Variants in FOXJ3 observed in about 807,000 individuals in gnomAD.
FOXJ3 encodes forkhead box protein J3.
Under a neutral mutation model 76.1 loss-of-function variants are expected in FOXJ3, and 22 were observed. The ratio of observed to expected loss-of-function variants is 0.29; its 90% CI spans 0.21 to 0.41. The LOEUF (loss-of-function observed/expected upper bound fraction) is 0.41, where lower values mean the gene tolerates loss of function less well. Among genes scored for constraint, FOXJ3 ranks in the 10% least tolerant of loss-of-function variants. FOXJ3 has a pLI of 1.00. For missense variants in FOXJ3, 613 were observed against 762.1 expected (o/e 0.80, Z 2.30); for synonymous variants, 269 against 261.2 (o/e 1.03, Z -0.29).
At chr1:42,328,014 A>T (rs1394790246) in intron 1 of FOXJ3, among the ~76,000 whole-genome samples, 1 of 152,152 alleles carries the variant, frequency 6.6e-6, no homozygotes, top group East Asian at 1.9e-4. Context: ...ATTCCCACCC[A>T]GGCCAGGCCT....
chr1:42,294,187 T>C (rs1240986931), intron 2 of FOXJ3, among the ~76,000 whole-genome samples: 2 of 152,318 alleles, frequency 1.3e-5, no homozygotes, highest in Admixed American at 1.3e-4. Flanking sequence ...TATCCTCTCT[T>C]GAAATCCTTT....
intron 4 of FOXJ3, among the ~76,000 whole-genome samples, chr1:42,245,233 C>T (rs941211188): frequency 5.3e-5 from 8 of 151,030 alleles, no homozygotes; most frequent in Non-Finnish European, 8.8e-5. Context: ...CCTTCACTGC[C>T]GAATTCTGCC....
intron 8 of FOXJ3, among the ~76,000 whole-genome samples, chr1:42,192,087 G>C (rs1044560013): frequency 1.3e-5 from 2 of 152,168 alleles, no homozygotes; most frequent in African/African-American, 2.4e-5. Context: ...GGAAATGTTC[G>C]GGGAAAAGTG....
Position 42,188,831 on chromosome 1 carries a change from T to G in FOXJ3, c.1551A>C (p.Thr517=), listed in dbSNP as rs748104963. 3 of 1,613,290 alleles carry G rather than the reference T, an allele frequency of 1.9e-6. No individual in the cohort carries two copies. In the South Asian group the frequency reaches 3.3e-5, roughly 18 times the overall value. ...DLCSSLNQFF[T]QTGLIHSQSN... is the part of the protein sequence containing the mutation. ...TCTGTGAATGTATAAGGCCAGTTTG[T>G]GTAAAGAACTGATTAAGAGAAGAAC... The change falls in exon 11 of 13, where the codon ACA becomes ACC. Residue 517 remains threonine, a synonymous_variant. Transcript: ENST00000361346.
intron 3 of FOXJ3, 39 bp from the exon 4 acceptor site, chr1:42,265,228 C>A (rs1054718832): frequency 4.5e-6 from 5 of 1,101,990 alleles, no homozygotes; most frequent in South Asian, 2.9e-5. Context: ...TCAATAAAAT[C>A]CAAAAAACAT....
intron 2 of FOXJ3, among the ~76,000 whole-genome samples, chr1:42,289,231 T>A (rs1378531787): frequency 1.3e-5 from 2 of 151,628 alleles, no homozygotes; most frequent in African/African-American, 4.8e-5. Flanking sequence ...ATATATATAA[T>A]TATGTATGTG....
At position 42,206,099 on chromosome 1, in the gene FOXJ3, C is replaced by T. The variant is rs1398575368; in HGVS notation, c.529-236G>A. On this transcript the variant is annotated intron_variant, in intron 5 of 12. Transcript: ENST00000361346. Reference sequence around the variant, plus strand: ...AACTCTTAATTTACTGCAGGATAGGCTGACAAAAATTACAAATAAACTTCT... The same window carrying T: ...AACTCTTAATTTACTGCAGGATAGGTTGACAAAAATTACAAATAAACTTCT... The T allele has an allele frequency of 7.2e-6, 3 of 416,962 alleles. No homozygotes were observed. The Admixed American group carries it at 1.3e-4, about 17-fold the overall frequency. The allele number at this position is 416,962 out of a possible 1,614,324, so 25.8% of individuals were successfully genotyped here.
Position 42,230,181 on chromosome 1 carries a change from T to C in FOXJ3, c.445-2215A>G, listed in dbSNP as rs575402992. On this transcript the variant is annotated intron_variant, in intron 4 of 12. Coordinates refer to ENST00000361346, the MANE Select transcript of FOXJ3 (RefSeq NM_014947.5). ...AATTAAAAAGATTCACAAAACTAAT[T>C]GTGAAATCTTCCACCAAACAGTTCA... 2.0e-5 allele frequency among the ~76,000 whole-genome samples: 3 copies of C among 152,314 alleles called. No homozygotes were observed. In the South Asian group the frequency reaches 6.2e-4, roughly 32 times the overall value.
At chr1:42,335,759 G>A (rs887408509), upstream of FOXJ3, 2 of 152,006 alleles carry the variant, frequency 1.3e-5, no homozygotes, top group African/African-American at 4.8e-5. Flanking sequence ...AACTTCATGA[G>A]TCCCAGGTGC....
chr1:42,237,467 C>CAT (rs1309725004), intron 4 of FOXJ3, among the ~76,000 whole-genome samples: 11 of 139,344 alleles, frequency 7.9e-5, no homozygotes, highest in African/African-American at 2.7e-4. Flanking sequence ...CATACATATA[C>CAT]ATATATATGT....
chr1:42,179,734 G>A lies in FOXJ3; in HGVS notation c.1845C>T (p.Asp615=). 3 of 1,612,896 alleles carry A rather than the reference G, an allele frequency of 1.9e-6. No homozygotes were observed. The highest frequency in any genetic ancestry group is 2.5e-6 in the Non-Finnish European group (3 of 1,178,874). Residue 615 remains aspartate (D), a synonymous_variant, in exon 13 of 13, where the codon GAC becomes GAT. Coordinates refer to ENST00000361346, the MANE Select transcript of FOXJ3 (RefSeq NM_014947.5). ...RSLPPDDIQD[D]FDWDSIV Reference sequence around the variant, plus strand: ...CCTACACAATTGAATCCCAATCAAAGTCATCCTGGATGTCATCTGGAGGCA... The same window carrying A: ...CCTACACAATTGAATCCCAATCAAAATCATCCTGGATGTCATCTGGAGGCA...
intron 5 of FOXJ3, among the ~76,000 whole-genome samples, chr1:42,213,471 TAAAA>T (rs76717485): frequency 3.8e-5 from 5 of 132,340 alleles, no homozygotes; most frequent in African/African-American, 1.4e-4. Context: ...CAACAACAGT[TAAAA>T]AAAAAAAAAA....
At position 42,191,163 on chromosome 1, in the gene FOXJ3, A is replaced by C. The variant is rs769343256; in HGVS notation, c.1351+140T>G. 8 of 764,018 alleles carry C rather than the reference A, an allele frequency of 1.0e-5. No homozygotes were observed. The South Asian group carries it at 2.2e-4, about 21-fold the overall frequency. The allele number at this position is 764,018 out of a possible 1,614,324, so 47.3% of individuals were successfully genotyped here. Reference sequence around the variant, plus strand: ...AGTCGCCAGGTCAGTCTATGAATTAAATGAGTTACAACTATAGGATTATAG... The same window carrying C: ...AGTCGCCAGGTCAGTCTATGAATTACATGAGTTACAACTATAGGATTATAG... On this transcript the variant is annotated intron_variant, in intron 9 of 12. Transcript: ENST00000361346.
chr1:42,217,615 A>G (rs1647097768), intron 5 of FOXJ3, among the ~76,000 whole-genome samples: 1 of 152,196 alleles, frequency 6.6e-6, no homozygotes, highest in African/African-American at 2.4e-5. Context: ...TATGCTGAGA[A>G]CCAAAAAACA....
At chr1:42,249,168 T>C (rs1182173584) in intron 4 of FOXJ3, among the ~76,000 whole-genome samples, 1 of 152,200 alleles carries the variant, frequency 6.6e-6, no homozygotes, top group Non-Finnish European at 1.5e-5. Flanking sequence ...GTTGATTCCA[T>C]GTCTTTGCTA....
intron 5 of FOXJ3, 169 bp from the exon 6 acceptor site, chr1:42,206,032 G>A: frequency 1.8e-6 from 1 of 556,712 alleles, no homozygotes. Context: ...GTATGCTACT[G>A]ACTTGATATT....
chr1:42,297,325 A>G (rs1381369868), intron 2 of FOXJ3, among the ~76,000 whole-genome samples: 1 of 152,158 alleles, frequency 6.6e-6, no homozygotes, highest in Non-Finnish European at 1.5e-5. Context: ...GAGTGGTGAG[A>G]GTGGACATCC....
chr1:42,334,487 T>C (rs1332641288), intron 1 of FOXJ3, among the ~76,000 whole-genome samples: 1 of 151,572 alleles, frequency 6.6e-6, no homozygotes, highest in Non-Finnish European at 1.5e-5. Context: ...CACGTCCGCA[T>C]GGAACGGCTG....
intron 3 of FOXJ3, among the ~76,000 whole-genome samples, chr1:42,273,402 G>C (rs1652007664): frequency 6.6e-6 from 1 of 152,116 alleles, no homozygotes; most frequent in Non-Finnish European, 1.5e-5. Flanking sequence ...GACCAGGCGT[G>C]GTGGCTCACA....
Sources: allele counts gnomAD v4.1 joint callset (sites outside exome capture counted in the v4.1 genomes callset), GRCh38; gene constraint gnomAD v4.1.1; transcripts MANE v1.5; gene names NCBI Gene and HGNC (gene_info 2026-07-23, HGNC 2026-07-21).